The following CTNND2 variants were observed in gnomAD, a reference collection of about 807,000 sequenced individuals.
CTNND2 encodes the protein catenin delta-2.
CTNND2 carries 22 observed loss-of-function variants against 144.4 expected under a neutral mutation model. The observed-to-expected ratio is 0.15, with a 90% CI of 0.11 to 0.22. The LOEUF is 0.22. Ranked by LOEUF, CTNND2 falls within the 10% of genes least tolerant of loss-of-function variation. CTNND2 has a pLI of 1.00. For missense variants in CTNND2, 1,353 were observed against 1,618.8 expected, an observed-to-expected ratio of 0.84 and a Z score of 2.82; for synonymous variants, 751 against 695.6, an observed-to-expected ratio of 1.08 and a Z score of -1.25.
intron 8 of CTNND2, among the ~76,000 whole-genome samples, chr5:11,354,281 G>A (rs990486912): frequency 2.0e-5 from 3 of 152,068 alleles, no homozygotes; most frequent in African/African-American, 7.2e-5. Flanking sequence ...CAAGTACTTG[G>A]CAATATGTGG....
At chr5:11,573,925 C>G (rs1014000080) in intron 2 of CTNND2, among the ~76,000 whole-genome samples, 2 of 152,124 alleles carry the variant, frequency 1.3e-5, no homozygotes, top group Non-Finnish European at 2.9e-5. Flanking sequence ...ATTTAATTCA[C>G]TAGCTGACAG....
At chr5:11,507,862 G>A (rs1771215060) in intron 3 of CTNND2, among the ~76,000 whole-genome samples, 1 of 152,140 alleles carries the variant, frequency 6.6e-6, no homozygotes, top group Non-Finnish European at 1.5e-5. Flanking sequence ...CACCGTCCTG[G>A]CGAGGAGGTC....
intron 16 of CTNND2, among the ~76,000 whole-genome samples, chr5:11,082,382 C>T (rs1255896074): frequency 6.6e-6 from 1 of 152,192 alleles, no homozygotes; most frequent in East Asian, 1.9e-4. Flanking sequence ...CCTCAGTTCA[C>T]TGCATGGGAA....
chr5:11,855,003 T>C (rs1349685360), intron 1 of CTNND2, among the ~76,000 whole-genome samples: 2 of 152,228 alleles, frequency 1.3e-5, no homozygotes, highest in African/African-American at 2.4e-5. Context: ...GTGATAAAAA[T>C]ATTCTGTAAC....
intron 9 of CTNND2, among the ~76,000 whole-genome samples, chr5:11,305,712 A>G (rs1488168801): frequency 6.6e-6 from 1 of 152,228 alleles, no homozygotes; most frequent in Non-Finnish European, 1.5e-5. Context: ...GTTAAGTGTC[A>G]GGAAGGAAAG....
intron 3 of CTNND2, among the ~76,000 whole-genome samples, chr5:11,500,724 C>CAT (rs1770449425): frequency 1.3e-5 from 2 of 152,302 alleles, no homozygotes; most frequent in Middle Eastern, 3.4e-3. Flanking sequence ...CCAATAGCTA[C>CAT]ATATTCTAAA....
intron 9 of CTNND2, among the ~76,000 whole-genome samples, chr5:11,320,517 C>T (rs541065132): frequency 1.5e-4 from 23 of 152,188 alleles, no homozygotes; most frequent in South Asian, 1.2e-3. Context: ...AAGACATACC[C>T]GAGACTAGGA....
At chr5:11,148,547 G>A (rs867989107) in intron 12 of CTNND2, among the ~76,000 whole-genome samples, 2 of 152,240 alleles carry the variant, frequency 1.3e-5, no homozygotes, top group Admixed American at 1.3e-4. Flanking sequence ...TCATAGCTCA[G>A]TAAGTTTTAA....
intron 1 of CTNND2, among the ~76,000 whole-genome samples, chr5:11,744,820 C>A (rs1413103564): frequency 6.6e-6 from 1 of 152,020 alleles, no homozygotes; most frequent in Non-Finnish European, 1.5e-5. Flanking sequence ...AATCTCGGCC[C>A]ACTGCAACTA....
chr5:11,607,322 C>T (rs1412790012), intron 2 of CTNND2, among the ~76,000 whole-genome samples: 3 of 152,062 alleles, frequency 2.0e-5, no homozygotes, highest in South Asian at 4.1e-4. Flanking sequence ...ACTGTGAAGT[C>T]GATACCTAAG....
At position 10,972,082 on chromosome 5, in the gene CTNND2, A is replaced by T. The variant is rs1735912005; in HGVS notation, c.*1371T>A. The T allele has an allele frequency of 6.5e-6, 1 of 152,682 alleles. No homozygotes were observed. Among genetic ancestry groups the T allele is most frequent in the African/African-American group, 2.4e-5 (1 of 41,474 alleles). The allele number at this position is 152,682 out of a possible 1,614,324, so 9.5% of individuals were successfully genotyped here. A position where few individuals can be genotyped will look rare whatever the true frequency, so the allele number is the denominator to read the frequency against. ...GCCACATGAACAAAAAGTTTGGGGGAATAAGGCGAGCAGTTTACATTTTCT... is the reference window on the plus strand; with the variant it reads ...GCCACATGAACAAAAAGTTTGGGGGTATAAGGCGAGCAGTTTACATTTTCT... On this transcript the variant is annotated 3_prime_UTR_variant, in exon 22 of 22. Transcript: ENST00000304623.
intron 3 of CTNND2, among the ~76,000 whole-genome samples, chr5:11,422,356 T>C (rs1762439847): frequency 1.3e-5 from 2 of 152,198 alleles, no homozygotes; most frequent in South Asian, 4.1e-4. Context: ...ATTCTTGCCA[T>C]AGTAAAAGCC....
At chr5:11,197,835 T>C (rs1737027099) in intron 11 of CTNND2, among the ~76,000 whole-genome samples, 2 of 152,238 alleles carry the variant, frequency 1.3e-5, no homozygotes, top group African/African-American at 2.4e-5. Flanking sequence ...GCTGAGTTTT[T>C]CTGGCAATCA....
intron 11 of CTNND2, among the ~76,000 whole-genome samples, chr5:11,196,885 G>C (rs979640628): frequency 6.6e-6 from 1 of 152,212 alleles, no homozygotes; most frequent in African/African-American, 2.4e-5. Context: ...AGCTTTCTCT[G>C]AGGTGAATTC....
chr5:11,133,181 T>A (rs530061612), intron 12 of CTNND2, among the ~76,000 whole-genome samples: 1 of 152,062 alleles, frequency 6.6e-6, no homozygotes, highest in African/African-American at 2.4e-5. Flanking sequence ...ATATTTCATA[T>A]AAGAAAAAAT....
At chr5:11,022,239 T>C (rs1035515106) in intron 17 of CTNND2, among the ~76,000 whole-genome samples, 1 of 152,208 alleles carries the variant, frequency 6.6e-6, no homozygotes, top group African/African-American at 2.4e-5. Flanking sequence ...AGGTTTAGAT[T>C]GGAAAGTATA....
At chr5:11,575,338 T>C (rs1489329083) in intron 2 of CTNND2, among the ~76,000 whole-genome samples, 2 of 152,196 alleles carry the variant, frequency 1.3e-5, no homozygotes, top group African/African-American at 2.4e-5. Context: ...AAATGTGCAA[T>C]AGTGAAGAGC....
intron 1 of CTNND2, among the ~76,000 whole-genome samples, chr5:11,815,603 G>A (rs1431520551): frequency 6.6e-6 from 1 of 151,826 alleles, no homozygotes; most frequent in African/African-American, 2.4e-5. Flanking sequence ...ACTACACACT[G>A]TTGCACAAAA....
intron 1 of CTNND2, among the ~76,000 whole-genome samples, chr5:11,892,926 A>G (rs931072050): frequency 6.6e-6 from 1 of 152,234 alleles, no homozygotes; most frequent in African/African-American, 2.4e-5. Flanking sequence ...AAGCACTTGT[A>G]AAGACTAACA....
Sources: allele counts gnomAD v4.1 joint callset (sites outside exome capture counted in the v4.1 genomes callset), GRCh38; gene constraint gnomAD v4.1.1; transcripts MANE v1.5; gene names NCBI Gene and HGNC (gene_info 2026-07-23, HGNC 2026-07-21).